Variants in ACACA observed in about 807,000 individuals in gnomAD.
The protein encoded by ACACA is acetyl-CoA carboxylase 1.
In ACACA, 103 loss-of-function variants were observed where a neutral mutation model predicts 296.1. That is an observed-to-expected ratio of 0.35 (90% confidence interval 0.30 to 0.41). The LOEUF is 0.41. ACACA is among the 10% of genes least tolerant of loss of function. ACACA has a pLI of 1.00. For missense variants in ACACA, 1,554 were observed against 2,989.7 expected, an observed-to-expected ratio of 0.52 and a Z score of 11.20; for synonymous variants, 953 against 1,038.6, an observed-to-expected ratio of 0.92 and a Z score of 1.58.
chr17:37,229,537 T>C (rs987318391), intron 25 of ACACA, among the ~76,000 whole-genome samples: 3 of 151,834 alleles, frequency 2.0e-5, no homozygotes, highest in African/African-American at 7.2e-5. Flanking sequence ...TCTCCTGACC[T>C]TGTGATCCAC....
chr17:37,095,093 G>T (rs1217196931), intron 54 of ACACA, among the ~76,000 whole-genome samples: 1 of 152,228 alleles, frequency 6.6e-6, no homozygotes, highest in Non-Finnish European at 1.5e-5. Flanking sequence ...TGCCTGGGGG[G>T]AAACTTCCTT....
intron 5 of ACACA, among the ~76,000 whole-genome samples, chr17:37,279,011 C>A (rs2146517944): frequency 6.6e-6 from 1 of 152,160 alleles, no homozygotes; most frequent in African/African-American, 2.4e-5. Flanking sequence ...TGGTAAAGGA[C>A]AGGAACAGAC....
intron 29 of ACACA, among the ~76,000 whole-genome samples, chr17:37,215,687 C>T (rs1022621331): frequency 2.6e-5 from 4 of 152,064 alleles, no homozygotes; most frequent in Non-Finnish European, 5.9e-5. Context: ...TACAGACATT[C>T]AGGATGATGC....
intron 1 of ACACA, chr17:37,388,583 A>G: frequency 6.9e-7 from 1 of 1,455,316 alleles, no homozygotes. Context: ...TAGTCTTGTG[A>G]GCCAGAAGAA....
intron 3 of ACACA, among the ~76,000 whole-genome samples, chr17:37,295,202 A>C (rs776795234): frequency 3.9e-5 from 6 of 152,236 alleles, no homozygotes; most frequent in Non-Finnish European, 8.8e-5. Context: ...GGAGTCCTTC[A>C]GAGTGGCCCC....
rs560647229 is a variant in ACACA at position 37,329,718 on chromosome 17, G to A, written c.338+455C>T. Among the ~76,000 whole-genome samples, 131 of 150,330 alleles carry A rather than the reference G, an allele frequency of 8.7e-4. 1 individual carries two copies. The highest frequency in any genetic ancestry group is 3.2e-3 in the African/African-American group (129 of 40,838). On this transcript the variant is annotated intron_variant, in intron 3 of 55. Transcript: ENST00000616317. Reference sequence around the variant, plus strand: ...GCATTTTGGAAAGCTGAGGTGGGCGGATCACAAGGTCAGGAGTTCAAGACC... The same window carrying A: ...GCATTTTGGAAAGCTGAGGTGGGCGAATCACAAGGTCAGGAGTTCAAGACC...
chr17:37,282,428 T>C (rs1428613031), intron 5 of ACACA, among the ~76,000 whole-genome samples: 1 of 152,230 alleles, frequency 6.6e-6, no homozygotes, highest in Non-Finnish European at 1.5e-5. Context: ...TATTTCTTTA[T>C]AGCAATGCAA....
At chr17:37,353,592 T>TCG in intron 1 of ACACA, among the ~76,000 whole-genome samples, 1 of 118,214 alleles carries the variant, frequency 8.5e-6, no homozygotes, top group South Asian at 2.8e-4. Flanking sequence ...TGAGCTGAGA[T>TCG]CACGTCACTG....
At chr17:37,095,924 C>A (rs1168983596) in intron 54 of ACACA, among the ~76,000 whole-genome samples, 1 of 152,162 alleles carries the variant, frequency 6.6e-6, no homozygotes, top group Non-Finnish European at 1.5e-5. Flanking sequence ...CCCGCCCCAT[C>A]CCCAACACTG....
Position 37,097,313 on chromosome 17 carries a change from AT to A in ACACA, c.6721-148del. 1.1e-6 allele frequency: 1 copy of A among 923,738 alleles called. No individual in the cohort carries two copies. Among genetic ancestry groups the A allele is most frequent in the East Asian group, 2.6e-5 (1 of 38,082 alleles). The allele number at this position is 923,738 out of a possible 1,614,324, so 57.2% of individuals were successfully genotyped here. A position where few individuals can be genotyped will look rare whatever the true frequency, so the allele number is the denominator to read the frequency against. ...GGCTGTAAACTCCTAGCACTTCCAG[AT>A]GTCCCCCAGGGCAGAAATGCAGCCC... On this transcript the variant is annotated intron_variant, in intron 53 of 55. Coordinates refer to ENST00000616317, the MANE Select transcript of ACACA (RefSeq NM_198834.3). This position sits in a 1 kb window ranked among gnomAD's most constrained non-coding sequence, Gnocchi z 4.8.
At chr17:37,344,131 G>GA (rs1001623504) in intron 1 of ACACA, among the ~76,000 whole-genome samples, 22 of 150,206 alleles carry the variant, frequency 1.5e-4, no homozygotes, top group Non-Finnish European at 3.0e-4. Context: ...TTTTTAAAAA[G>GA]AAAAAAAAAC....
At chr17:37,367,762 C>T (rs1342547828) in intron 1 of ACACA, 3 of 152,022 alleles carry the variant, frequency 2.0e-5, no homozygotes, top group African/African-American at 7.3e-5. Context: ...TTTATGGATC[C>T]TCAATTAATT....
At chr17:37,129,277 T>C (rs753477135) in intron 47 of ACACA, 88 bp downstream of exon 47, 185 of 1,554,812 alleles carry the variant, frequency 1.2e-4, no homozygotes, top group Non-Finnish European at 1.6e-4. Flanking sequence ...CTTAGTCACA[T>C]GTGATTGTTC....
Position 37,248,006 on chromosome 17 carries a change from C to A in ACACA, c.2309+5G>T. On this transcript the variant is annotated splice_donor_5th_base_variant and intron_variant, in intron 18 of 55. Coordinates refer to ENST00000616317, the MANE Select transcript of ACACA (RefSeq NM_198834.3). ...CCAGCAAATGGACCTCAAACAGCCA[C>A]TTACCTATCCACTTCCTCTTTCATA... 6.2e-7 allele frequency: 1 copy of A among 1,614,000 alleles called. No individual in the cohort carries two copies. Among genetic ancestry groups the A allele is most frequent in the African/African-American group, 1.3e-5 (1 of 74,990 alleles).
intron 44 of ACACA, among the ~76,000 whole-genome samples, chr17:37,150,499 G>A (rs1219663248): frequency 4.0e-5 from 6 of 151,520 alleles, no homozygotes; most frequent in Non-Finnish European, 7.4e-5. Flanking sequence ...CTGAGATCAC[G>A]CCACTGCATT....
intron 14 of ACACA, among the ~76,000 whole-genome samples, chr17:37,256,887 T>C (rs1484878969): frequency 6.6e-6 from 1 of 152,104 alleles, no homozygotes; most frequent in African/African-American, 2.4e-5. Flanking sequence ...ACCTACTCCA[T>C]GTACAGTACA....
At chr17:37,361,451 C>CAGGGACA (rs1373213191) in intron 1 of ACACA, among the ~76,000 whole-genome samples, 11 of 152,102 alleles carry the variant, frequency 7.2e-5, no homozygotes, top group Non-Finnish European at 1.5e-4. Context: ...GCATGTCCTG[C>CAGGGACA]TTTTGACTTC....
At chr17:37,335,985 C>T (rs2048100330) in intron 2 of ACACA, among the ~76,000 whole-genome samples, 1 of 152,024 alleles carries the variant, frequency 6.6e-6, no homozygotes, top group African/African-American at 2.4e-5. Context: ...GACCCTGGGG[C>T]CTCCTCAGCC....
intron 1 of ACACA, chr17:37,379,226 G>A (rs371688382): frequency 1.3e-4 from 210 of 1,613,888 alleles, no homozygotes; most frequent in Non-Finnish European, 1.5e-4. Context: ...CAAAGTAAAA[G>A]TCAACCTTGT....
Sources: gnomAD v4.1 joint callset for allele counts (sites outside exome capture counted in the v4.1 genomes callset) on GRCh38, gnomAD v4.1.1 for gene constraint, Gnocchi (gnomAD v3.1) non-coding constraint, MANE v1.5 for transcripts, NCBI Gene and HGNC (gene_info 2026-07-23, HGNC 2026-07-21) for gene names.